Variants in IL17F observed in about 807,000 individuals in gnomAD.
IL17F encodes the protein interleukin 17F.
A neutral mutation model predicts 8.3 loss-of-function variants in IL17F; 6 were observed. The observed-to-expected ratio is 0.73, with a 90% CI of 0.40 to 1.43. IL17F has a LOEUF of 1.43. IL17F is among the 40% of genes most tolerant of loss of function. The probability of loss-of-function intolerance (pLI) is 0.02; values close to 1 mark genes in which losing one functional copy is unlikely to be tolerated. For synonymous variants in IL17F, 98 were observed against 81.6 expected (o/e 1.20, Z -1.08); for missense variants, 204 against 209.6 (o/e 0.97, Z 0.17).
chr6:52,236,809 T>C lies in IL17F; in HGVS notation c.*122A>G, dbSNP rs1406876348. 1.2e-6 allele frequency: 1 copy of C among 801,710 alleles called. No individual in the cohort carries two copies. Among genetic ancestry groups the C allele is most frequent in the African/African-American group, 1.7e-5 (1 of 59,520 alleles). 49.7% of individuals were successfully genotyped at this position (801,710 alleles called of 1,614,324 possible). A position where few individuals can be genotyped will look rare whatever the true frequency, so the allele number is the denominator to read the frequency against. ...TGTGAATATTTTCTGTTTCCATCCG[T>C]GCAGGTCTTATTAAGAGTCCTGTGA... On this transcript the variant is annotated 3_prime_UTR_variant, in exon 3 of 3. Transcript: ENST00000336123.
At chr6:52,240,304 G>C (rs1357742784) in intron 1 of IL17F, among the ~76,000 whole-genome samples, 1 of 152,068 alleles carries the variant, frequency 6.6e-6, no homozygotes, top group Non-Finnish European at 1.5e-5. Flanking sequence ...AGGCGTGGTG[G>C]TGCACGCCTG....
Position 52,241,050 on chromosome 6 carries a change from G to C in IL17F, c.34-2100C>G, listed in dbSNP as rs1764065766. Among the ~76,000 whole-genome samples the C allele has an allele frequency of 2.7e-5, 4 of 150,150 alleles. No individual in the cohort carries two copies. The South Asian group carries it at 8.7e-4, about 33-fold the overall frequency. ...AATTTACACTCATATACCTTGTCTT[G>C]ACAAACTGCTATGGCGTTTGTTTGT... On this transcript the variant is annotated intron_variant, in intron 1 of 2. Coordinates refer to ENST00000336123, the MANE Select transcript of IL17F (RefSeq NM_052872.4).
chr6:52,245,214 C>T (rs933953003), upstream of IL17F, among the ~76,000 whole-genome samples: 3 of 152,198 alleles, frequency 2.0e-5, no homozygotes, highest in African/African-American at 7.2e-5. Flanking sequence ...CTGCATCCAA[C>T]GCCAGCTAAG....
At chr6:52,241,705 C>T (rs1006037036) in intron 1 of IL17F, among the ~76,000 whole-genome samples, 7 of 152,124 alleles carry the variant, frequency 4.6e-5, no homozygotes, top group Admixed American at 1.3e-4. Flanking sequence ...GTGAGGTAAT[C>T]AGAGCTAGTA....
chr6:52,237,234 C>G (rs1442125927), intron 2 of IL17F, 66 bp from the exon 3 acceptor site: 1 of 1,226,094 alleles, frequency 8.2e-7, no homozygotes, highest in Admixed American at 1.8e-5. Context: ...AATGAGAGCC[C>G]CACAGCACTG....
chr6:52,245,380 G>A (rs557501426), upstream of IL17F, among the ~76,000 whole-genome samples: 1 of 152,230 alleles, frequency 6.6e-6, no homozygotes, highest in African/African-American at 2.4e-5. Flanking sequence ...TCAAGTTCAG[G>A]TTCCCACAAA....
chr6:52,242,118 C>T (rs763555550), intron 1 of IL17F, among the ~76,000 whole-genome samples: 12 of 152,178 alleles, frequency 7.9e-5, no homozygotes, highest in Non-Finnish European at 1.6e-4. Flanking sequence ...TAAACAGCAC[C>T]TCTCAGAGAA....
chr6:52,237,032 G>A lies in IL17F; in HGVS notation c.391C>T (p.Arg131Trp), dbSNP rs147873628. The A allele has an allele frequency of 2.1e-4, 338 of 1,614,182 alleles. No homozygotes were observed. Among genetic ancestry groups the A allele is most frequent in the Non-Finnish European group, 2.7e-4 (324 of 1,180,018 alleles). Residue 131 changes from arginine (R) to tryptophan (W), a missense_variant, in exon 3 of 3, where the codon CGG becomes TGG. Coordinates refer to ENST00000336123, the MANE Select transcript of IL17F (RefSeq NM_052872.4). ...VPIQQETLVV[R>W]RKHQGCSVSF... is the part of the protein sequence containing the mutation. The stretch of plus-strand genomic sequence containing the variant: ...ACAGAGCAGCCTTGGTGCTTCCTCC[G>A]GACGACCAGGGTCTCTTGCTGGATG...
intron 1 of IL17F, among the ~76,000 whole-genome samples, chr6:52,241,182 G>A (rs560612403): frequency 9.1e-4 from 139 of 152,158 alleles, no homozygotes; most frequent in Non-Finnish European, 3.8e-4. Context: ...AGGTTCAAGC[G>A]ATTCTCCTGC....
intron 2 of IL17F, among the ~76,000 whole-genome samples, chr6:52,238,367 T>C (rs947150217): frequency 6.6e-6 from 1 of 152,230 alleles, no homozygotes; most frequent in African/African-American, 2.4e-5. Flanking sequence ...TCTGAGTGAA[T>C]CTCCTTAAAC....
chr6:52,238,923 C>T lies in IL17F; in HGVS notation c.61G>A (p.Gly21Arg), dbSNP rs779381932. 27 of 1,613,342 alleles carry T rather than the reference C, an allele frequency of 1.7e-5. No homozygotes were observed. The highest frequency in any genetic ancestry group is 2.0e-5 in the Non-Finnish European group (24 of 1,179,864). ...MVKYLLLSIL[G>R]LAFLSEAAAR... ...GCCGCCTCACTCAGAAAGGCAAGCC[C>T]CAATATCGACAGCAGCAAGTACTTG... The change falls in exon 2 of 3, where the codon GGG becomes AGG. Residue 21 changes from glycine (G) to arginine (R), a missense_variant. Physicochemically the swap from Gly to Arg is moderately radical, Grantham distance 125. Coordinates refer to ENST00000336123, the MANE Select transcript of IL17F (RefSeq NM_052872.4).
At chr6:52,239,167 C>T in intron 1 of IL17F, 3 of 559,786 alleles carry the variant, frequency 5.4e-6, no homozygotes, top group Non-Finnish European at 3.2e-6. Context: ...TAACTGAAGC[C>T]CTCCATAGTC....
At chr6:52,239,506 C>T (rs999677793) in intron 1 of IL17F, among the ~76,000 whole-genome samples, 5 of 152,302 alleles carry the variant, frequency 3.3e-5, no homozygotes, top group Admixed American at 6.5e-5. Context: ...AAATCCTACC[C>T]TTCCATTAAG....
chr6:52,237,976 G>A (rs1763998679), intron 2 of IL17F, among the ~76,000 whole-genome samples: 1 of 152,226 alleles, frequency 6.6e-6, no homozygotes, highest in Non-Finnish European at 1.5e-5. Flanking sequence ...CGGATCTCTA[G>A]ATCTGTCCTG....
At chr6:52,239,023 G>T in intron 1 of IL17F, 73 bp from the exon 2 acceptor site, 1 of 1,322,896 alleles carries the variant, frequency 7.6e-7, no homozygotes, top group Non-Finnish European at 1.1e-6. Context: ...TGGTCTGGCG[G>T]AACTCAGCAT....
chr6:52,245,251 C>T (rs762544364), upstream of IL17F, among the ~76,000 whole-genome samples: 9 of 152,154 alleles, frequency 5.9e-5, no homozygotes, highest in Non-Finnish European at 8.8e-5. Context: ...TCAATTCTGA[C>T]GCTATCTCCA....
Position 52,236,987 on chromosome 6 carries a change from C to A in IL17F, c.436G>T (p.Val146Leu). The change falls in exon 3 of 3, where the codon GTG becomes TTG. Residue 146 changes from valine (V) to leucine (L), a missense_variant. Coordinates refer to ENST00000336123, the MANE Select transcript of IL17F (RefSeq NM_052872.4). ...CAGGTGCAGCCAACAGTCACCAGCA[C>A]CTTCTCCAACTGGAAAGAAACAGAG... ...GCSVSFQLEK[V>L]LVTVGCTCVT... 2 of 1,614,194 alleles carry A rather than the reference C, an allele frequency of 1.2e-6. No homozygotes were observed. The highest frequency in any genetic ancestry group is 2.2e-5 in the East Asian group (1 of 44,888).
upstream of IL17F, among the ~76,000 whole-genome samples, chr6:52,245,634 C>G (rs1764147252): frequency 6.6e-6 from 1 of 152,222 alleles, no homozygotes; most frequent in South Asian, 2.1e-4. Flanking sequence ...TTTCTTAGAA[C>G]TTCCACAAGT....
rs937217588 is a variant in IL17F at position 52,237,042 on chromosome 6, G to C, written c.381C>G (p.Thr127=). ...CTTGGTGCTTCCTCCGGACGACCAG[G>C]GTCTCTTGCTGGATGGGAACGGAAT... ...SMNSVPIQQE[T]LVVRRKHQGC... The change falls in exon 3 of 3, where the codon ACC becomes ACG. Residue 127 remains threonine, a synonymous_variant. Coordinates refer to ENST00000336123, the MANE Select transcript of IL17F (RefSeq NM_052872.4). The C allele has an allele frequency of 1.9e-6, 3 of 1,614,186 alleles. No individual in the cohort carries two copies. Among genetic ancestry groups the C allele is most frequent in the Non-Finnish European group, 2.5e-6 (3 of 1,180,016 alleles).
Sources: gnomAD v4.1 joint callset for allele counts (sites outside exome capture counted in the v4.1 genomes callset) on GRCh38, gnomAD v4.1.1 for gene constraint, MANE v1.5 for transcripts, NCBI Gene and HGNC (gene_info 2026-07-23, HGNC 2026-07-21) for gene names.